The following ZHX3 variants were observed in gnomAD, a reference collection of about 807,000 sequenced individuals.
ZHX3 encodes the protein zinc fingers and homeoboxes 3, also known as zinc fingers and homeoboxes protein 3.
ZHX3 carries 20 observed loss-of-function variants against 64.5 expected under a neutral mutation model. The observed-to-expected ratio is 0.31, with a 90% CI of 0.22 to 0.45. The LOEUF (loss-of-function observed/expected upper bound fraction) is 0.45. Ranked by LOEUF, ZHX3 falls within the 20% of genes least tolerant of loss-of-function variation. ZHX3 has a pLI of 1.00. For synonymous variants in ZHX3, 423 were observed against 461.6 expected, an observed-to-expected ratio of 0.92 and a Z score of 1.07; for missense variants, 1,041 against 1,195.8, an observed-to-expected ratio of 0.87 and a Z score of 1.91.
intron 1 of ZHX3, among the ~76,000 whole-genome samples, chr20:41,294,841 A>G (rs898071803): frequency 2.0e-4 from 30 of 151,832 alleles, no homozygotes; most frequent in Non-Finnish European, 8.8e-5. Context: ...GACCATACGC[A>G]TGTGCCATCA....
intron 2 of ZHX3, among the ~76,000 whole-genome samples, chr20:41,258,854 C>G (rs2042407686): frequency 6.6e-6 from 1 of 152,166 alleles, no homozygotes; most frequent in Non-Finnish European, 1.5e-5. Flanking sequence ...TGAAGGACTA[C>G]TGGCTCCCTC....
intron 1 of ZHX3, among the ~76,000 whole-genome samples, chr20:41,285,143 A>G (rs2043875023): frequency 1.3e-5 from 2 of 152,130 alleles, no homozygotes; most frequent in South Asian, 4.1e-4. Context: ...GGAACCTAAC[A>G]TGCTAAACTA....
intron 2 of ZHX3, among the ~76,000 whole-genome samples, chr20:41,220,724 T>C (rs6029575): frequency 0.58 from 87,686 of 151,746 alleles, 26,597 homozygotes; most frequent in East Asian, 0.82. Flanking sequence ...GGCAGAGTCT[T>C]ACTCTATCAC....
intron 2 of ZHX3, among the ~76,000 whole-genome samples, chr20:41,238,513 C>A (rs2041162134): frequency 6.6e-6 from 1 of 152,166 alleles, no homozygotes; most frequent in South Asian, 2.1e-4. Context: ...CTGCAAAAAA[C>A]AACATCTTTT....
intron 2 of ZHX3, among the ~76,000 whole-genome samples, chr20:41,239,430 A>T (rs903076931): frequency 1.3e-5 from 2 of 152,214 alleles, no homozygotes; most frequent in African/African-American, 4.8e-5. Context: ...AGAAGGACAC[A>T]GAGAGAGGGC....
At chr20:41,196,304 TAAA>T (rs2037487626) in intron 3 of ZHX3, among the ~76,000 whole-genome samples, 1 of 120,918 alleles carries the variant, frequency 8.3e-6, no homozygotes, top group African/African-American at 3.2e-5. Context: ...TATATAAAAA[TAAA>T]TATATATTTA....
At position 41,201,499 on chromosome 20, in the gene ZHX3, G is replaced by T; in HGVS notation, c.2860+558C>A. The T allele has an allele frequency of 1.5e-6, 1 of 667,728 alleles. No homozygotes were observed. The highest frequency in any genetic ancestry group is 2.3e-6 in the Non-Finnish European group (1 of 442,452). The allele number at this position is 667,728 out of a possible 1,614,324, so 41.4% of individuals were successfully genotyped here. A position where few individuals can be genotyped will look rare whatever the true frequency, so the allele number is the denominator to read the frequency against. On this transcript the variant is annotated intron_variant, in intron 3 of 3. Transcript: ENST00000683867. This position sits in a 1 kb window ranked among gnomAD's most constrained non-coding sequence, Gnocchi z 5.0. ...TCGAGTACAATCCAGAGAAACTGAG[G>T]AACAAAATTCAAGCTTTTGATTCCA...
chr20:41,202,163 G>A lies in ZHX3; in HGVS notation c.2754C>T (p.Asp918=), dbSNP rs1346859878. 1 of 1,614,046 alleles carries A rather than the reference G, an allele frequency of 6.2e-7. No homozygotes were observed. Among genetic ancestry groups the A allele is most frequent in the Non-Finnish European group, 8.5e-7 (1 of 1,180,030 alleles). The change falls in exon 3 of 4, where the codon GAC becomes GAT. Residue 918 remains aspartate, a synonymous_variant. Transcript: ENST00000683867. The surrounding 1 kb of genome is among the most constrained non-coding windows in gnomAD (Gnocchi z 7.0). The part of the protein sequence containing the change: ...ELTAVHKGMG[D]TYSEVSENSE... ...TGTTCTCAGACACCTCTGAATAGGTGTCACCCATCCCTTTGTGAACTGCTG... is the reference window on the plus strand; with the variant it reads ...TGTTCTCAGACACCTCTGAATAGGTATCACCCATCCCTTTGTGAACTGCTG...
At position 41,195,679 on chromosome 20, in the gene ZHX3, G is replaced by T. The variant is rs1301395188; in HGVS notation, c.2860+6378C>A. 6.6e-6 allele frequency among the ~76,000 whole-genome samples: 1 copy of T among 152,218 alleles called. No homozygotes were observed. The highest frequency in any genetic ancestry group is 1.5e-5 in the Non-Finnish European group (1 of 68,040). On this transcript the variant is annotated intron_variant, in intron 3 of 3. Transcript: ENST00000683867. This position sits in a 1 kb window ranked among gnomAD's most constrained non-coding sequence, Gnocchi z 4.2. ...GATCCACCCACCTTAGCCTCCCAAA[G>T]TGTGGGGATTACAGGCATAAGCCAC...
chr20:41,288,714 T>TTTATA (rs1391558309), intron 1 of ZHX3, among the ~76,000 whole-genome samples: 18 of 152,184 alleles, frequency 1.2e-4, no homozygotes, highest in Non-Finnish European at 7.3e-5. Context: ...AATTCCTACC[T>TTTATA]TTATATTATA....
rs769441538 is a variant in ZHX3 at position 41,202,133 on chromosome 20, C to A, written c.2784G>T (p.Glu928Asp). Residue 928 changes from glutamate (E) to aspartate (D), a missense_variant, in exon 3 of 4, where the codon GAG becomes GAT. Glu to Asp is a conservative substitution (Grantham distance 45). This residue lies in a region of ZHX3 where 649 missense variants were observed against 739.8 expected (regional missense o/e 0.88). Transcript: ENST00000683867. The surrounding 1 kb of genome is among the most constrained non-coding windows in gnomAD (Gnocchi z 7.0). ...DTYSEVSENSESWEPRVPEAS... is the reference protein window; with the variant it reads ...DTYSEVSENSDSWEPRVPEAS... The stretch of plus-strand genomic sequence containing the variant: ...CCTCAGGGACACGGGGCTCCCACGA[C>A]TCACTGTTCTCAGACACCTCTGAAT... 1 of 1,614,114 alleles carries A rather than the reference C, an allele frequency of 6.2e-7. No homozygotes were observed. The highest frequency in any genetic ancestry group is 1.7e-5 in the Admixed American group (1 of 60,024).
In ZHX3 at chr20:41,226,977, G is replaced by A. The variant is rs537769346; in HGVS notation, c.-150-21911C>T. Among the ~76,000 whole-genome samples the A allele has an allele frequency of 6.6e-6, 1 of 152,298 alleles. No individual in the cohort carries two copies. The highest frequency in any genetic ancestry group is 2.4e-5 in the African/African-American group (1 of 41,550). Reference sequence around the variant, plus strand: ...TTCCTTTATGAGTACTGTTTTGAATGCTGTTAATATTTCATCAGGAAGTAT... The same window carrying A: ...TTCCTTTATGAGTACTGTTTTGAATACTGTTAATATTTCATCAGGAAGTAT... On this transcript the variant is annotated intron_variant, in intron 2 of 3. Coordinates refer to ENST00000683867, the MANE Select transcript of ZHX3 (RefSeq NM_001384317.1). The surrounding 1 kb of genome is among the most constrained non-coding windows in gnomAD (Gnocchi z 4.4).
At chr20:41,286,166 C>T (rs886533456) in intron 1 of ZHX3, among the ~76,000 whole-genome samples, 4 of 152,174 alleles carry the variant, frequency 2.6e-5, no homozygotes, top group Admixed American at 2.6e-4. Flanking sequence ...ATTAAAAATA[C>T]TTTCAGAAAG....
chr20:41,287,477 A>ACATCTC (rs2043994840), intron 1 of ZHX3, among the ~76,000 whole-genome samples: 1 of 152,164 alleles, frequency 6.6e-6, no homozygotes, highest in African/African-American at 2.4e-5. Flanking sequence ...TGTAGGCCAG[A>ACATCTC]CTTACTGACT....
rs958683438 is a variant in ZHX3, at chr20:41,228,331, C to T, written c.-150-23265G>A. 1.3e-5 allele frequency among the ~76,000 whole-genome samples: 2 copies of T among 152,138 alleles called. No individual in the cohort carries two copies. Among genetic ancestry groups the T allele is most frequent in the African/African-American group, 4.8e-5 (2 of 41,428 alleles). ...CCCTGGCACTCACCCTTCCAAAAAA[C>T]GAAACAAGCAAATAAAAAATATAGC... On this transcript the variant is annotated intron_variant, in intron 2 of 3. Transcript: ENST00000683867. The surrounding 1 kb of genome is among the most constrained non-coding windows in gnomAD (Gnocchi z 4.6).
chr20:41,184,645 C>G lies in ZHX3; in HGVS notation c.*546G>C. On this transcript the variant is annotated 3_prime_UTR_variant, in exon 4 of 4. Transcript: ENST00000683867. ...TCAAAGGTACTGCTTCCTTGAGGAA[C>G]ACAAAGGGGGCACAAAGGGGTTCCA... The G allele has an allele frequency of 2.1e-6, 1 of 467,034 alleles. No homozygotes were observed. The highest frequency in any genetic ancestry group is 2.3e-5 in the South Asian group (1 of 42,582). 28.9% of individuals were successfully genotyped at this position (467,034 alleles called of 1,614,324 possible).
At chr20:41,220,493 C>A (rs1354382036) in intron 2 of ZHX3, among the ~76,000 whole-genome samples, 1 of 151,972 alleles carries the variant, frequency 6.6e-6, no homozygotes, top group Non-Finnish European at 1.5e-5. Context: ...AAGCCTCTAT[C>A]TAACTTTATA....
At chr20:41,235,412 G>A (rs1444509746) in intron 2 of ZHX3, among the ~76,000 whole-genome samples, 2 of 152,104 alleles carry the variant, frequency 1.3e-5, no homozygotes, top group African/African-American at 4.8e-5. Context: ...ACATCAAAAA[G>A]CTTATCTACC....
intron 1 of ZHX3, among the ~76,000 whole-genome samples, chr20:41,273,689 T>A (rs1203950859): frequency 6.6e-6 from 1 of 152,226 alleles, no homozygotes; most frequent in Non-Finnish European, 1.5e-5. Flanking sequence ...CTCTCAGTTT[T>A]ATTCCACTGA....
Sources: allele counts gnomAD v4.1 joint callset (sites outside exome capture counted in the v4.1 genomes callset), GRCh38; gene constraint gnomAD v4.1.1; regional missense constraint gnomAD v4.1.1; non-coding constraint Gnocchi (gnomAD v3.1); transcripts MANE v1.5; gene names NCBI Gene and HGNC (gene_info 2026-07-23, HGNC 2026-07-21).